Variants in GALNT14 observed in about 807,000 individuals in gnomAD.
The protein encoded by GALNT14 is polypeptide N-acetylgalactosaminyltransferase 14, also known as UDP-GalNAc:polypeptide N-acetylgalactosaminyltransferase 14.
GALNT14 carries 60 observed loss-of-function variants against 77.5 expected under a neutral mutation model. That is an observed-to-expected ratio of 0.77 (90% CI 0.63 to 0.96). The LOEUF (loss-of-function observed/expected upper bound fraction) is 0.96, where lower values mean the gene tolerates loss of function less well. Among genes scored for constraint, GALNT14 ranks in the 40% least tolerant of loss-of-function variants. GALNT14 has a pLI of 0.00. For missense variants in GALNT14, 710 were observed against 731.0 expected (o/e 0.97, Z 0.33); for synonymous variants, 280 against 281.7 (o/e 0.99, Z 0.06).
At chr2:31,137,664 C>G (rs1297674512) in intron 1 of GALNT14, among the ~76,000 whole-genome samples, 2 of 152,156 alleles carry the variant, frequency 1.3e-5, no homozygotes, top group African/African-American at 4.8e-5. Flanking sequence ...GTCCGCAGAG[C>G]CCCCTCCGCC....
intron 1 of GALNT14, among the ~76,000 whole-genome samples, chr2:31,016,418 A>T (rs568800835): frequency 6.6e-6 from 1 of 152,244 alleles, no homozygotes; most frequent in Non-Finnish European, 1.5e-5. Context: ...TAGAGAAGGG[A>T]CACAATTCAG....
At chr2:30,950,534 G>T (rs2148302380) in intron 6 of GALNT14, among the ~76,000 whole-genome samples, 1 of 152,238 alleles carries the variant, frequency 6.6e-6, no homozygotes, top group African/African-American at 2.4e-5. Context: ...AAGACACCAG[G>T]AAACACAGGC....
chr2:31,138,238 C>G lies in GALNT14; in HGVS notation c.-152G>C. ...GGAGGGGCGGCAGGATCCTGCAAGG[C>G]GCCCTTCCCGCTTCGAAGAGAAGCG... On this transcript the variant is annotated 5_prime_UTR_variant, in exon 1 of 15. Coordinates refer to ENST00000349752, the MANE Select transcript of GALNT14 (RefSeq NM_024572.4). 1.1e-6 allele frequency: 1 copy of G among 917,600 alleles called. No homozygotes were observed. The highest frequency in any genetic ancestry group is 1.6e-6 in the Non-Finnish European group (1 of 615,482). 56.8% of individuals were successfully genotyped at this position (917,600 alleles called of 1,614,324 possible).
At chr2:31,074,368 G>T (rs150899395) in intron 1 of GALNT14, among the ~76,000 whole-genome samples, 1 of 152,052 alleles carries the variant, frequency 6.6e-6, no homozygotes, top group Non-Finnish European at 1.5e-5. Flanking sequence ...GCAGCGCTAG[G>T]CACACAGGGG....
intron 3 of GALNT14, among the ~76,000 whole-genome samples, chr2:30,958,898 A>T (rs1167242282): frequency 6.6e-6 from 1 of 152,174 alleles, no homozygotes; most frequent in Non-Finnish European, 1.5e-5. Context: ...GAACTTTCTG[A>T]CAAGGAGCTT....
At chr2:31,091,209 G>C (rs1676720444) in intron 1 of GALNT14, among the ~76,000 whole-genome samples, 1 of 152,140 alleles carries the variant, frequency 6.6e-6, no homozygotes, top group East Asian at 1.9e-4. Flanking sequence ...GGAGCTAGAA[G>C]GGCTTTTGCA....
In GALNT14 at chr2:31,092,427, A is replaced by C. The variant is rs187369565; in HGVS notation, c.129+45531T>G. ...CTCCTAAATCATCACAGTTGGGGTT[A>C]AGTTCATTATAATAATTTTGTGGAG... On this transcript the variant is annotated intron_variant, in intron 1 of 14. Transcript: ENST00000349752. 4.6e-5 allele frequency among the ~76,000 whole-genome samples: 7 copies of C among 152,224 alleles called. No individual in the cohort carries two copies. In the East Asian group the frequency reaches 1.2e-3, roughly 25 times the overall value.
chr2:31,132,620 G>C (rs1679047306), intron 1 of GALNT14: 2 of 424,228 alleles, frequency 4.7e-6, no homozygotes, highest in Admixed American at 5.9e-5. Context: ...GACAGTGAAA[G>C]AGAACTGACC....
chr2:30,961,356 G>GAA (rs1667681111), intron 3 of GALNT14, among the ~76,000 whole-genome samples: 2 of 152,196 alleles, frequency 1.3e-5, no homozygotes, highest in Non-Finnish European at 2.9e-5. Context: ...CCGGCTGACA[G>GAA]TTGAGTTTAG....
rs544049535 is a variant in GALNT14 at position 30,928,164 on chromosome 2, G to A, written c.1151+1231C>T. Among the ~76,000 whole-genome samples, 8 of 152,278 alleles carry A rather than the reference G, an allele frequency of 5.3e-5. No individual in the cohort carries two copies. In the South Asian group the frequency reaches 1.7e-3, roughly 32 times the overall value. On this transcript the variant is annotated intron_variant, in intron 11 of 14. Transcript: ENST00000349752. ...GTGAGAGAACCTGAGGGGCAGCATGGATTTATGGTTTCAGAGATGCAAATC... is the reference window on the plus strand; with the variant it reads ...GTGAGAGAACCTGAGGGGCAGCATGAATTTATGGTTTCAGAGATGCAAATC...
intron 1 of GALNT14, among the ~76,000 whole-genome samples, chr2:31,022,461 A>AT (rs546384810): frequency 3.9e-4 from 59 of 152,182 alleles, no homozygotes; most frequent in Non-Finnish European, 8.2e-4. Flanking sequence ...CAGTTCTGGA[A>AT]TAAGGCCTTT....
chr2:30,989,560 T>TATA (rs1669525579), intron 2 of GALNT14, among the ~76,000 whole-genome samples: 3 of 87,108 alleles, frequency 3.4e-5, no homozygotes, highest in African/African-American at 5.4e-5. Flanking sequence ...GGTAAATACC[T>TATA]TATATATATA....
At chr2:31,094,374 C>T (rs979225130) in intron 1 of GALNT14, among the ~76,000 whole-genome samples, 1 of 152,176 alleles carries the variant, frequency 6.6e-6, no homozygotes, top group Non-Finnish European at 1.5e-5. Flanking sequence ...GGACTTAGTC[C>T]ACCAGCACCC....
intron 9 of GALNT14, among the ~76,000 whole-genome samples, chr2:30,937,472 G>T (rs563504264): frequency 6.6e-6 from 1 of 152,184 alleles, no homozygotes; most frequent in Non-Finnish European, 1.5e-5. Flanking sequence ...GCCCATTCAG[G>T]TTGTTTGCAG....
chr2:30,891,140 C>T, the GALNT14 span, among the ~76,000 whole-genome samples: 8 of 152,220 alleles, frequency 5.3e-5, no homozygotes, highest in East Asian at 7.7e-4. Flanking sequence ...CCCCAAATTC[C>T]GGCATGAGAC....
rs532123643 is a variant in GALNT14, at chr2:30,989,339, C to T, written c.299+3499G>A. Among the ~76,000 whole-genome samples, 8 of 151,852 alleles carry T rather than the reference C, an allele frequency of 5.3e-5. No individual in the cohort carries two copies. The South Asian group carries it at 1.7e-3, about 32-fold the overall frequency. On this transcript the variant is annotated intron_variant, in intron 2 of 14. Transcript: ENST00000349752. ...GTTCTCCTCTGCCCCCCTCACCATC[C>T]CTGACAACTTAGTGATCTTAATGCT...
At chr2:30,978,875 G>C (rs1297481538) in intron 2 of GALNT14, among the ~76,000 whole-genome samples, 1 of 152,214 alleles carries the variant, frequency 6.6e-6, no homozygotes, top group Non-Finnish European at 1.5e-5. Flanking sequence ...TGCACAGCAA[G>C]GGGTGCTGCT....
At chr2:30,934,239 T>G (rs1461328683) in intron 9 of GALNT14, among the ~76,000 whole-genome samples, 1 of 152,156 alleles carries the variant, frequency 6.6e-6, no homozygotes, top group Non-Finnish European at 1.5e-5. Flanking sequence ...CAGTAGCACA[T>G]AGAGGAACCT....
At chr2:31,000,535 T>C (rs1670306957) in intron 1 of GALNT14, among the ~76,000 whole-genome samples, 2 of 151,566 alleles carry the variant, frequency 1.3e-5, no homozygotes, top group African/African-American at 4.9e-5. Context: ...GGAAATTGGC[T>C]CATGTGATTA....
Sources: gnomAD v4.1 joint callset for allele counts (sites outside exome capture counted in the v4.1 genomes callset) on GRCh38, gnomAD v4.1.1 for gene constraint, MANE v1.5 for transcripts, NCBI Gene and HGNC (gene_info 2026-07-23, HGNC 2026-07-21) for gene names.